MRAS: variants seen among roughly 807,000 people sequenced by gnomAD.
MRAS encodes the protein ras-related protein M-Ras.
Under a neutral mutation model 20.9 loss-of-function variants are expected in MRAS, and 4 were observed. The observed-to-expected ratio is 0.19, with a 90% confidence interval of 0.09 to 0.44. The LOEUF (loss-of-function observed/expected upper bound fraction) is 0.44. Among genes scored for constraint, MRAS ranks in the 20% least tolerant of loss-of-function variants. MRAS has a pLI of 0.99. For synonymous variants in MRAS, 98 were observed against 102.9 expected, an observed-to-expected ratio of 0.95 and a Z score of 0.29; for missense variants, 154 against 277.5, an observed-to-expected ratio of 0.56 and a Z score of 3.16.
chr3:138,360,023 ATAT>A (rs1175271534), intron 1 of MRAS, among the ~76,000 whole-genome samples: 1 of 152,156 alleles, frequency 6.6e-6, no homozygotes, highest in Non-Finnish European at 1.5e-5. Context: ...CTCATTGCAG[ATAT>A]TATGTTGCAG....
chr3:138,381,497 T>G (rs1287086426), intron 2 of MRAS, among the ~76,000 whole-genome samples: 1 of 152,230 alleles, frequency 6.6e-6, no homozygotes, highest in African/African-American at 2.4e-5. Context: ...CTCTCCTCAC[T>G]TACAACAGGG....
intron 2 of MRAS, among the ~76,000 whole-genome samples, chr3:138,381,459 G>A (rs999680313): frequency 6.6e-6 from 1 of 152,226 alleles, no homozygotes; most frequent in African/African-American, 2.4e-5. Flanking sequence ...CAGGCCTTGG[G>A]CCTTTAAGGT....
intron 5 of MRAS, among the ~76,000 whole-genome samples, chr3:138,401,411 C>T (rs546867868): frequency 9.2e-5 from 14 of 152,324 alleles, no homozygotes; most frequent in Non-Finnish European, 7.3e-5. Context: ...AGCTCATCTT[C>T]TCATTATTCC....
intron 2 of MRAS, among the ~76,000 whole-genome samples, chr3:138,374,879 T>G (rs952640284): frequency 7.2e-5 from 11 of 152,166 alleles, no homozygotes; most frequent in African/African-American, 2.7e-4. Flanking sequence ...TAAATTACAT[T>G]GATTGTTTTG....
At chr3:138,369,884 C>T (rs138167239) in intron 1 of MRAS, among the ~76,000 whole-genome samples, 7 of 152,328 alleles carry the variant, frequency 4.6e-5, no homozygotes, top group African/African-American at 1.7e-4. Context: ...TCATGTACTC[C>T]AGCATATTTA....
intron 1 of MRAS, among the ~76,000 whole-genome samples, chr3:138,366,231 T>G (rs1349115206): frequency 3.3e-5 from 5 of 152,172 alleles, no homozygotes; most frequent in African/African-American, 1.2e-4. Context: ...CCACATGGGT[T>G]GGGTCACTCT....
intron 2 of MRAS, among the ~76,000 whole-genome samples, chr3:138,396,075 C>T (rs991542605): frequency 5.3e-5 from 8 of 152,104 alleles, no homozygotes; most frequent in Non-Finnish European, 1.0e-4. Flanking sequence ...AGTCAGAGTC[C>T]GCTCACCAAG....
At position 138,385,334 on chromosome 3, in the gene MRAS, C is replaced by T. The variant is rs193069398; in HGVS notation, c.194-11990C>T. Reference sequence around the variant, plus strand: ...CAAATTTTTGTATTTTTTGTAGAGACGGGGTTCTCACTTTGTTGCCCAGAC... The same window carrying T: ...CAAATTTTTGTATTTTTTGTAGAGATGGGGTTCTCACTTTGTTGCCCAGAC... On this transcript the variant is annotated intron_variant, in intron 2 of 5. Transcript: ENST00000423968. Among the ~76,000 whole-genome samples the T allele has an allele frequency of 1.5e-3, 231 of 150,240 alleles. 1 individual carries two copies. The highest frequency in any genetic ancestry group is 2.7e-3 in the Non-Finnish European group (181 of 67,522).
At position 138,397,397 on chromosome 3, in the gene MRAS, C is replaced by T. The variant is rs745474939; in HGVS notation, c.267C>T (p.Leu89=). 2.1e-5 allele frequency: 34 copies of T among 1,614,064 alleles called. No individual in the cohort carries two copies. Among genetic ancestry groups the T allele is most frequent in the Non-Finnish European group, 2.8e-5 (33 of 1,180,032 alleles). ...EQYMRTGDGF[L]IVYSVTDKAS... ...ACATGCGCACGGGGGATGGCTTCCTCATCGTCTACTCCGTCACTGACAAGG... is the reference window on the plus strand; with the variant it reads ...ACATGCGCACGGGGGATGGCTTCCTTATCGTCTACTCCGTCACTGACAAGG... Residue 89 remains leucine (L), a synonymous_variant, in exon 3 of 6, where the codon CTC becomes CTT. Coordinates refer to ENST00000423968, the MANE Select transcript of MRAS (RefSeq NM_001085049.3).
intron 1 of MRAS, among the ~76,000 whole-genome samples, chr3:138,353,269 AT>A (rs1017809278): frequency 1.3e-5 from 2 of 152,192 alleles, no homozygotes; most frequent in African/African-American, 4.8e-5. Flanking sequence ...AAAAAAGAAA[AT>A]TTTTAAAAGT....
intron 1 of MRAS, among the ~76,000 whole-genome samples, chr3:138,352,390 G>C (rs2054246690): frequency 6.6e-6 from 1 of 152,194 alleles, no homozygotes; most frequent in Non-Finnish European, 1.5e-5. Flanking sequence ...GCTTTCTGCA[G>C]GCATTCCTCT....
rs200375034 is a variant in MRAS, at chr3:138,397,480, G to A, written c.347+3G>A. On this transcript the variant is annotated splice_donor_region_variant and intron_variant, in intron 3 of 5. Coordinates refer to ENST00000423968, the MANE Select transcript of MRAS (RefSeq NM_001085049.3). ...CTTATCCTGCGCGTCAAAGACAGGT[G>A]AGCATCAAAGACAGGTGAGAGTACC... 8 of 1,614,066 alleles carry A rather than the reference G, an allele frequency of 5.0e-6. No homozygotes were observed. The Admixed American group carries it at 1.0e-4, about 20-fold the overall frequency.
intron 2 of MRAS, among the ~76,000 whole-genome samples, chr3:138,388,470 G>A (rs549215890): frequency 3.3e-5 from 5 of 152,248 alleles, no homozygotes; most frequent in South Asian, 2.1e-4. Flanking sequence ...AGGCCAAGGC[G>A]GGCGGATCAC....
intron 2 of MRAS, among the ~76,000 whole-genome samples, chr3:138,386,280 C>T (rs1161307435): frequency 1.3e-5 from 2 of 152,016 alleles, no homozygotes. Context: ...CTCCCCCCTC[C>T]TCAGTCCCTG....
In MRAS at chr3:138,378,718, A is replaced by G. The variant is rs143893994; in HGVS notation, c.193+5642A>G. On this transcript the variant is annotated intron_variant, in intron 2 of 5. Coordinates refer to ENST00000423968, the MANE Select transcript of MRAS (RefSeq NM_001085049.3). ...ATAGAGTTTTGTGTTTGTTTGTTTT[A>G]TTGTGATAAAGTGTACATAACATAA... Among the ~76,000 whole-genome samples, 134 of 152,244 alleles carry G rather than the reference A, an allele frequency of 8.8e-4. 1 individual carries two copies. The highest frequency in any genetic ancestry group is 2.9e-3 in the African/African-American group (121 of 41,546).
chr3:138,384,450 G>A (rs1044597422), intron 2 of MRAS, among the ~76,000 whole-genome samples: 2 of 152,158 alleles, frequency 1.3e-5, no homozygotes, highest in Non-Finnish European at 2.9e-5. Context: ...TGTCGATGGA[G>A]TATTTGAGGT....
chr3:138,384,513 T>C (rs2054970597), intron 2 of MRAS, among the ~76,000 whole-genome samples: 1 of 152,178 alleles, frequency 6.6e-6, no homozygotes, highest in African/African-American at 2.4e-5. Flanking sequence ...TAGAGTTACA[T>C]TTATCAAGAT....
At chr3:138,385,533 T>A (rs931903113) in intron 2 of MRAS, among the ~76,000 whole-genome samples, 1 of 151,104 alleles carries the variant, frequency 6.6e-6, no homozygotes, top group Non-Finnish European at 1.5e-5. Context: ...TATTATTTTT[T>A]GAGACAGAGT....
In MRAS at chr3:138,397,482, G is replaced by GCGT. The variant is rs763443470; in HGVS notation, c.347+6_347+7insGTC. 8.7e-6 allele frequency: 14 copies of GCGT among 1,614,048 alleles called. No homozygotes were observed. Among genetic ancestry groups the GCGT allele is most frequent in the Non-Finnish European group, 1.2e-5 (14 of 1,179,940 alleles). On this transcript the variant is annotated splice_donor_region_variant and intron_variant, in intron 3 of 5. Transcript: ENST00000423968. Reference sequence around the variant, plus strand: ...TATCCTGCGCGTCAAAGACAGGTGAGCATCAAAGACAGGTGAGAGTACCGG... The same window carrying GCGT: ...TATCCTGCGCGTCAAAGACAGGTGAGCGTCATCAAAGACAGGTGAGAGTACCGG...
Sources: allele counts gnomAD v4.1 joint callset (sites outside exome capture counted in the v4.1 genomes callset), GRCh38; gene constraint gnomAD v4.1.1; transcripts MANE v1.5; gene names NCBI Gene and HGNC (gene_info 2026-07-23, HGNC 2026-07-21).